CDIN1: variants seen among roughly 807,000 people sequenced by gnomAD.
CDIN1 encodes the protein CDAN1-interacting nuclease 1.
In CDIN1, 33 loss-of-function variants were observed where a neutral mutation model predicts 45.3. The observed-to-expected ratio is 0.73, with a 90% CI of 0.55 to 0.97. The LOEUF (loss-of-function observed/expected upper bound fraction) is 0.97, where lower values mean the gene tolerates loss of function less well. Among genes scored for constraint, CDIN1 ranks in the 50% least tolerant of loss-of-function variants. The pLI is 0.00. For missense variants in CDIN1, 303 were observed against 339.4 expected, an observed-to-expected ratio of 0.89 and a Z score of 0.84; for synonymous variants, 118 against 124.4, an observed-to-expected ratio of 0.95 and a Z score of 0.34.
At chr15:36,738,453 A>G (rs2044113615) in intron 10 of CDIN1, among the ~76,000 whole-genome samples, 1 of 152,106 alleles carries the variant, frequency 6.6e-6, no homozygotes, top group South Asian at 2.1e-4. Flanking sequence ...CCAGAGTAAG[A>G]GCCAAAATCA....
chr15:36,636,069 A>C (rs1369629058), intron 1 of CDIN1, among the ~76,000 whole-genome samples: 1 of 152,218 alleles, frequency 6.6e-6, no homozygotes, highest in Non-Finnish European at 1.5e-5. Context: ...CAAAATGATG[A>C]AAGGTACGCA....
Position 36,808,323 on chromosome 15 carries a change from G to T in CDIN1, c.717-1G>T. Reference sequence around the variant, plus strand: ...TGTGTTATTTTCTGGTGTTTTTACAGATTTGGGCCAGGCTTAGTCATCTAT... The same window carrying T: ...TGTGTTATTTTCTGGTGTTTTTACATATTTGGGCCAGGCTTAGTCATCTAT... On this transcript the variant is annotated splice_acceptor_variant, in intron 10 of 10. Transcript: ENST00000566621. LOFTEE classifies it high-confidence loss of function. The T allele has an allele frequency of 6.2e-7, 1 of 1,613,288 alleles. No homozygotes were observed. The highest frequency in any genetic ancestry group is 8.5e-7 in the Non-Finnish European group (1 of 1,179,442).
chr15:36,648,930 G>C (rs2140428356), intron 3 of CDIN1, among the ~76,000 whole-genome samples: 1 of 152,146 alleles, frequency 6.6e-6, no homozygotes, highest in Non-Finnish European at 1.5e-5. Flanking sequence ...TGGATCTGCT[G>C]TAAATGTATT....
chr15:36,688,031 A>G (rs1377641971), intron 5 of CDIN1, among the ~76,000 whole-genome samples: 1 of 152,176 alleles, frequency 6.6e-6, no homozygotes, highest in African/African-American at 2.4e-5. Flanking sequence ...AGGAAAAATT[A>G]TAGCCTTGAA....
intron 1 of CDIN1, among the ~76,000 whole-genome samples, chr15:36,635,502 A>G (rs2039861009): frequency 6.6e-6 from 1 of 152,130 alleles, no homozygotes; most frequent in African/African-American, 2.4e-5. Context: ...AGACTTGAGT[A>G]TACACAAATT....
chr15:36,746,634 A>G (rs545427533), intron 10 of CDIN1, among the ~76,000 whole-genome samples: 21 of 149,798 alleles, frequency 1.4e-4, no homozygotes, highest in South Asian at 6.4e-4. Flanking sequence ...TGCATATCAT[A>G]CACGTATATG....
At chr15:36,716,892 G>T (rs537518008) in intron 10 of CDIN1, among the ~76,000 whole-genome samples, 2 of 152,318 alleles carry the variant, frequency 1.3e-5, no homozygotes, top group South Asian at 4.1e-4. Context: ...GGGGTTAACA[G>T]TGAGAACTGA....
intron 1 of CDIN1, among the ~76,000 whole-genome samples, chr15:36,604,816 A>G (rs1026364539): frequency 6.6e-6 from 1 of 152,190 alleles, no homozygotes; most frequent in South Asian, 2.1e-4. Flanking sequence ...TAGATTTACC[A>G]AGCACAATAT....
intron 5 of CDIN1, among the ~76,000 whole-genome samples, chr15:36,685,784 A>G (rs1261250003): frequency 1.3e-5 from 2 of 152,260 alleles, no homozygotes; most frequent in South Asian, 4.1e-4. Context: ...GAAGACATCT[A>G]TGTGGCCAAC....
chr15:36,602,208 G>A (rs1027018177), intron 1 of CDIN1, among the ~76,000 whole-genome samples: 11 of 152,220 alleles, frequency 7.2e-5, no homozygotes, highest in Non-Finnish European at 1.3e-4. Context: ...GGCTATCAGC[G>A]CCTGCATCTT....
intron 5 of CDIN1, among the ~76,000 whole-genome samples, chr15:36,664,104 G>A (rs2041140279): frequency 6.6e-6 from 1 of 152,202 alleles, no homozygotes; most frequent in Non-Finnish European, 1.5e-5. Context: ...AACCCAGGAT[G>A]CATCTGAGAT....
At chr15:36,779,964 C>G (rs1022810320) in intron 10 of CDIN1, among the ~76,000 whole-genome samples, 1 of 152,130 alleles carries the variant, frequency 6.6e-6, no homozygotes, top group African/African-American at 2.4e-5. Context: ...GTAGCAGTGG[C>G]ATTTCCCTCC....
chr15:36,787,349 G>A (rs2054517833), intron 10 of CDIN1, among the ~76,000 whole-genome samples: 1 of 152,180 alleles, frequency 6.6e-6, no homozygotes, highest in African/African-American at 2.4e-5. Flanking sequence ...CCATTGAAAT[G>A]TGGTAGCTTT....
chr15:36,645,642 T>C (rs1165205325), intron 3 of CDIN1, among the ~76,000 whole-genome samples: 1 of 152,138 alleles, frequency 6.6e-6, no homozygotes, highest in Non-Finnish European at 1.5e-5. Context: ...TATACATATA[T>C]CTACATATAT....
chr15:36,665,135 C>T (rs1247643848), intron 5 of CDIN1, among the ~76,000 whole-genome samples: 2 of 152,078 alleles, frequency 1.3e-5, no homozygotes, highest in Non-Finnish European at 2.9e-5. Flanking sequence ...TAGGCATTTT[C>T]TTGTATCTGT....
At chr15:36,742,669 G>A (rs888859016) in intron 10 of CDIN1, among the ~76,000 whole-genome samples, 2 of 152,174 alleles carry the variant, frequency 1.3e-5, no homozygotes, top group Admixed American at 6.5e-5. Context: ...TGTAGAATAA[G>A]TATTTCCAGA....
At chr15:36,594,056 T>G (rs2037706496) in intron 1 of CDIN1, among the ~76,000 whole-genome samples, 1 of 152,226 alleles carries the variant, frequency 6.6e-6, no homozygotes, top group Admixed American at 6.5e-5. Flanking sequence ...TTAATTTATC[T>G]TATTTTTGCA....
In CDIN1 at chr15:36,579,981, C is replaced by T; in HGVS notation, c.101+20C>T. On this transcript the variant is annotated intron_variant, in intron 1 of 10. Transcript: ENST00000566621. ...TCCCAGGTAAGTGTCCATCTCTCCC[C>T]TCTCACAGCCCTTTGCCTGCAGCAG... 6.2e-7 allele frequency: 1 copy of T among 1,602,014 alleles called. No homozygotes were observed. Among genetic ancestry groups the T allele is most frequent in the Non-Finnish European group, 8.5e-7 (1 of 1,172,718 alleles).
At chr15:36,615,139 G>A (rs559136512) in intron 1 of CDIN1, among the ~76,000 whole-genome samples, 10 of 152,288 alleles carry the variant, frequency 6.6e-5, no homozygotes, top group Admixed American at 3.3e-4. Flanking sequence ...AATAGCTTAC[G>A]TACAAAACTT....
Sources: allele counts gnomAD v4.1 joint callset (sites outside exome capture counted in the v4.1 genomes callset), GRCh38; gene constraint gnomAD v4.1.1; transcripts MANE v1.5; gene names NCBI Gene and HGNC (gene_info 2026-07-23, HGNC 2026-07-21).